The following UBE2D3 variants were observed in gnomAD, a reference collection of about 807,000 sequenced individuals.
UBE2D3 encodes the protein ubiquitin-conjugating enzyme E2 D3.
UBE2D3 carries 2 observed loss-of-function variants against 22.8 expected under a neutral mutation model. The ratio of observed to expected loss-of-function variants is 0.09; its 90% CI spans 0.04 to 0.28. UBE2D3 has a LOEUF of 0.28. Ranked by LOEUF, UBE2D3 falls within the 10% of genes least tolerant of loss-of-function variation. UBE2D3 has a pLI of 1.00. For missense variants in UBE2D3, 27 were observed against 182.5 expected, an observed-to-expected ratio of 0.15 and a Z score of 4.91; for synonymous variants, 56 against 60.4, an observed-to-expected ratio of 0.93 and a Z score of 0.34.
At chr4:102,844,846 C>G (rs982635395) in intron 1 of UBE2D3, among the ~76,000 whole-genome samples, 1 of 151,932 alleles carries the variant, frequency 6.6e-6, no homozygotes, top group Non-Finnish European at 1.5e-5. Flanking sequence ...TGGTGAAACC[C>G]TGTCTCTACT....
chr4:102,855,511 C>A (rs1278216911), intron 1 of UBE2D3, among the ~76,000 whole-genome samples: 2 of 152,222 alleles, frequency 1.3e-5, no homozygotes, highest in Non-Finnish European at 2.9e-5. Context: ...GCCTTGAACT[C>A]TTGGGCTCAA....
At chr4:102,829,475 C>G (rs902483942), upstream of UBE2D3, among the ~76,000 whole-genome samples, 28 of 152,316 alleles carry the variant, frequency 1.8e-4, no homozygotes, top group African/African-American at 6.0e-4. Context: ...TAGTTATCTT[C>G]TAACCCCGTT....
chr4:102,824,652 G>A (rs7669040), intron 2 of UBE2D3, among the ~76,000 whole-genome samples: 7 of 152,192 alleles, frequency 4.6e-5, no homozygotes, highest in African/African-American at 1.7e-4. Flanking sequence ...TGGTGTCACA[G>A]CAGCTGGGTA....
chr4:102,856,147 C>T (rs1195167485), intron 1 of UBE2D3, among the ~76,000 whole-genome samples: 1 of 152,192 alleles, frequency 6.6e-6, no homozygotes, highest in Non-Finnish European at 1.5e-5. Context: ...AGGCAAATCA[C>T]TTAAGGCCAG....
At chr4:102,844,959 T>C (rs1323719427) in intron 1 of UBE2D3, among the ~76,000 whole-genome samples, 4 of 149,648 alleles carry the variant, frequency 2.7e-5, no homozygotes. Context: ...GAGGCGGGGC[T>C]TGCAGTGAGC....
chr4:102,825,347 C>G, intron 2 of UBE2D3: 4 of 1,008,002 alleles, frequency 4.0e-6, no homozygotes, highest in Non-Finnish European at 4.7e-6. Context: ...AAACACATCA[C>G]ACAAATACAA....
intron 6 of UBE2D3, among the ~76,000 whole-genome samples, chr4:102,799,769 A>C (rs1164348745): frequency 6.8e-6 from 1 of 147,512 alleles, no homozygotes; most frequent in South Asian, 2.2e-4. Flanking sequence ...ATGCCATATT[A>C]ATATATATAT....
chr4:102,797,495 TAAAG>T, intron 7 of UBE2D3, 35 bp from the exon 8 acceptor site: 1 of 1,531,288 alleles, frequency 6.5e-7, no homozygotes, highest in Non-Finnish European at 9.0e-7. Flanking sequence ...AAAGTTAAAA[TAAAG>T]AATTCCTAAT....
chr4:102,827,859 G>A (rs901798275), upstream of UBE2D3: 30 of 985,528 alleles, frequency 3.0e-5, no homozygotes, highest in Non-Finnish European at 3.5e-5. Context: ...GAACCGGAAG[G>A]AGACCATGGG....
intron 1 of UBE2D3, among the ~76,000 whole-genome samples, chr4:102,858,644 T>A (rs1732738223): frequency 6.6e-6 from 1 of 151,920 alleles, no homozygotes; most frequent in Non-Finnish European, 1.5e-5. Flanking sequence ...TACTATAAAG[T>A]AATGGTTCTG....
At chr4:102,807,267 T>TA (rs1484213839) in intron 4 of UBE2D3, among the ~76,000 whole-genome samples, 1 of 152,194 alleles carries the variant, frequency 6.6e-6, no homozygotes, top group Non-Finnish European at 1.5e-5. Flanking sequence ...CTATTTATCT[T>TA]ATACAGTGAT....
intron 5 of UBE2D3, 38 bp from the exon 6 acceptor site, chr4:102,801,597 A>G (rs775755857): frequency 6.7e-7 from 1 of 1,487,526 alleles, no homozygotes; most frequent in Non-Finnish European, 9.2e-7. Context: ...TTCAAATAAA[A>G]ACAAACATCT....
chr4:102,823,943 A>C (rs1730034391), intron 2 of UBE2D3, among the ~76,000 whole-genome samples: 1 of 152,246 alleles, frequency 6.6e-6, no homozygotes, highest in African/African-American at 2.4e-5. Context: ...ATAGGTACGT[A>C]ACACAAGCAT....
At chr4:102,810,790 G>A (rs1367499316) in intron 2 of UBE2D3, 1 of 151,702 alleles carries the variant, frequency 6.6e-6, no homozygotes, top group Non-Finnish European at 1.5e-5. Flanking sequence ...TAGTTTATTA[G>A]AATATTTTTA....
intron 2 of UBE2D3, chr4:102,825,983 C>T (rs1421852666): frequency 1.0e-5 from 3 of 300,038 alleles, no homozygotes; most frequent in Admixed American, 4.6e-5. Context: ...CTTCAATACG[C>T]AAGACTTCTT....
chr4:102,806,834 GC>G (rs1235283157), intron 4 of UBE2D3, among the ~76,000 whole-genome samples: 1 of 151,178 alleles, frequency 6.6e-6, no homozygotes, highest in Non-Finnish European at 1.5e-5. Flanking sequence ...AGTACCCCAC[GC>G]CCCCCTCCCC....
chr4:102,840,234 A>G (rs1032260604), intron 1 of UBE2D3, among the ~76,000 whole-genome samples: 8 of 152,252 alleles, frequency 5.3e-5, no homozygotes, highest in South Asian at 2.1e-4. Context: ...TGATCTGTCA[A>G]TCCCACTAAT....
intron 1 of UBE2D3, among the ~76,000 whole-genome samples, chr4:102,864,762 T>G (rs1733068093): frequency 6.6e-6 from 1 of 152,228 alleles, no homozygotes; most frequent in South Asian, 2.1e-4. Flanking sequence ...GGGAAGCTTA[T>G]CTTGCTAGAT....
intron 1 of UBE2D3, among the ~76,000 whole-genome samples, chr4:102,854,266 G>A (rs990906917): frequency 6.6e-6 from 1 of 151,954 alleles, no homozygotes; most frequent in Admixed American, 6.6e-5. Context: ...TGACAAATGT[G>A]TATATTTTTT....
Sources: gnomAD v4.1 joint callset for allele counts (sites outside exome capture counted in the v4.1 genomes callset) on GRCh38, gnomAD v4.1.1 for gene constraint, MANE v1.5 for transcripts, NCBI Gene and HGNC (gene_info 2026-07-23, HGNC 2026-07-21) for gene names.